AGL: variants seen among roughly 807,000 people sequenced by gnomAD.
AGL encodes glycogen debranching enzyme.
A neutral mutation model predicts 199.3 loss-of-function variants in AGL; 128 were observed. The observed-to-expected ratio is 0.64, with a 90% CI of 0.56 to 0.74. The LOEUF (loss-of-function observed/expected upper bound fraction) is 0.74. Ranked by LOEUF, AGL falls within the 30% of genes least tolerant of loss-of-function variation. AGL has a pLI of 0.00. For missense variants in AGL, 1,809 were observed against 1,820.8 expected (o/e 0.99, Z 0.12); for synonymous variants, 584 against 594.7 (o/e 0.98, Z 0.26).
chr1:99,849,846 T>C (rs557038541), upstream of AGL, among the ~76,000 whole-genome samples: 30 of 152,340 alleles, frequency 2.0e-4, no homozygotes, highest in Admixed American at 7.2e-4. Flanking sequence ...AAGATCCTAC[T>C]GTGCAGCTCA....
intron 24 of AGL, among the ~76,000 whole-genome samples, chr1:99,895,437 A>G (rs995066072): frequency 2.6e-5 from 4 of 152,192 alleles, no homozygotes; most frequent in Admixed American, 6.5e-5. Context: ...AATTGTACAT[A>G]TTGTGTACAG....
intron 2 of AGL, among the ~76,000 whole-genome samples, chr1:99,859,214 A>C (rs1649820526): frequency 6.6e-6 from 1 of 152,192 alleles, no homozygotes. Context: ...TATGCTTCTC[A>C]GTCACTAAGT....
intron 26 of AGL, among the ~76,000 whole-genome samples, chr1:99,902,292 A>G (rs1653903085): frequency 6.6e-6 from 1 of 152,182 alleles, no homozygotes; most frequent in Non-Finnish European, 1.5e-5. Context: ...CCTTTAGCTC[A>G]TAATTTACCC....
chr1:99,888,223 C>T, intron 21 of AGL, 115 bp downstream of exon 21: 1 of 1,333,478 alleles, frequency 7.5e-7, no homozygotes. Context: ...GCAATTATGG[C>T]TCTGCTTCTG....
In AGL at chr1:99,921,559, C is replaced by G. The variant is rs1260961188; in HGVS notation, c.4507C>G (p.Leu1503Val). 3 of 1,612,882 alleles carry G rather than the reference C, an allele frequency of 1.9e-6. No individual in the cohort carries two copies. The highest frequency in any genetic ancestry group is 2.2e-5 in the South Asian group (2 of 91,058). The stretch of plus-strand genomic sequence containing the variant: ...ATCCCCTTGGAAAGGACTTCCAGAA[C>G]TGACCAATGAGAATGCCCAGTACTG... ...ERSPWKGLPE[L>V]TNENAQYCPF... Residue 1503 changes from leucine (L) to valine (V), a missense_variant, in exon 34 of 34, where the codon CTG becomes GTG. Transcript: ENST00000361915.
At position 99,870,820 on chromosome 1, in the gene AGL, A is replaced by G. The variant is rs2101113480; in HGVS notation, c.909A>G (p.Gln303=). The change falls in exon 7 of 34, where the codon CAA becomes CAG. Residue 303 remains glutamine, a synonymous_variant. Coordinates refer to ENST00000361915, the MANE Select transcript of AGL (RefSeq NM_000642.3). Reference sequence around the variant, plus strand: ...AGCTTAAACTCTGGGAATTTTTCCAAGTAGATGTCAACAAAGCGGTTGAGC... The same window carrying G: ...AGCTTAAACTCTGGGAATTTTTCCAGGTAGATGTCAACAAAGCGGTTGAGC... ...FPKLKLWEFF[Q]VDVNKAVEQF... 1 of 1,611,920 alleles carries G rather than the reference A, an allele frequency of 6.2e-7. No individual in the cohort carries two copies. The highest frequency in any genetic ancestry group is 8.5e-7 in the Non-Finnish European group (1 of 1,178,212).
rs2100760752 is a variant in AGL at position 99,881,699 on chromosome 1, A to C, written c.2308+8A>C. On this transcript the variant is annotated splice_region_variant and intron_variant, in intron 17 of 33. Transcript: ENST00000361915. Reference sequence around the variant, plus strand: ...CTCAAATGTGCATCCCTGGTAATGCAATCTAAAAATTGTTACTGTATTTGT... The same window carrying C: ...CTCAAATGTGCATCCCTGGTAATGCCATCTAAAAATTGTTACTGTATTTGT... 2.5e-6 allele frequency: 4 copies of C among 1,612,270 alleles called. No homozygotes were observed. Among genetic ancestry groups the C allele is most frequent in the Non-Finnish European group, 3.4e-6 (4 of 1,178,508 alleles).
At chr1:99,874,844 T>C (rs1393666998) in intron 8 of AGL, 34 bp downstream of exon 8, 1 of 1,604,902 alleles carries the variant, frequency 6.2e-7, no homozygotes, top group Admixed American at 1.7e-5. Context: ...GAAATAATAA[T>C]ATTACTTACA....
chr1:99,891,381 C>CA (rs1286366895), intron 22 of AGL, 25 bp downstream of exon 22: 3 of 1,612,094 alleles, frequency 1.9e-6, no homozygotes, highest in East Asian at 4.5e-5. Context: ...ATTATCGTCC[C>CA]AAAAAATCAA....
intron 7 of AGL, among the ~76,000 whole-genome samples, chr1:99,872,697 T>G (rs535578746): frequency 6.6e-6 from 1 of 151,898 alleles, no homozygotes; most frequent in Non-Finnish European, 1.5e-5. Flanking sequence ...CCCAGCTAAT[T>G]TTTGTATTTT....
intron 30 of AGL, 133 bp from the exon 31 acceptor site, chr1:99,915,256 G>A (rs1184260045): frequency 1.3e-6 from 1 of 753,960 alleles, no homozygotes; most frequent in South Asian, 1.5e-5. Context: ...ATCTGTTTAG[G>A]CATCTACACT....
chr1:99,849,926 C>T (rs1163680069), upstream of AGL, among the ~76,000 whole-genome samples: 1 of 152,242 alleles, frequency 6.6e-6, no homozygotes, highest in Non-Finnish European at 1.5e-5. Context: ...TAAAGGAAGG[C>T]CGCGCCTTGG....
intron 30 of AGL, among the ~76,000 whole-genome samples, chr1:99,914,327 G>A (rs1270128374): frequency 6.6e-6 from 1 of 152,216 alleles, no homozygotes; most frequent in African/African-American, 2.4e-5. Context: ...GTGAACTAAA[G>A]TGGATAGCTT....
chr1:99,921,402 ATTG>A (rs1655501306), intron 33 of AGL, 129 bp from the exon 34 acceptor site: 1 of 722,050 alleles, frequency 1.4e-6, no homozygotes, highest in Non-Finnish European at 2.5e-6. Context: ...TCTTTAGGAT[ATTG>A]TTTTATTTTG....
chr1:99,898,094 T>C (rs1299182781), intron 25 of AGL, among the ~76,000 whole-genome samples: 3 of 151,446 alleles, frequency 2.0e-5, no homozygotes, highest in Non-Finnish European at 4.4e-5. Context: ...TCACTCAGGC[T>C]GGAGTGCAGT....
chr1:99,878,323 G>A (rs549966006), intron 12 of AGL, among the ~76,000 whole-genome samples: 96 of 151,854 alleles, frequency 6.3e-4, no homozygotes, highest in African/African-American at 1.7e-3. Context: ...CCAGCCTGGC[G>A]ACAGAGTGAG....
chr1:99,865,921 C>A (rs1392988798), intron 5 of AGL, among the ~76,000 whole-genome samples: 1 of 152,154 alleles, frequency 6.6e-6, no homozygotes, highest in Admixed American at 6.5e-5. Flanking sequence ...GCCTCCAGTT[C>A]TACGGTGAAA....
chr1:99,881,505 T>C (rs910927785), intron 16 of AGL, 36 bp from the exon 17 acceptor site: 69 of 1,613,900 alleles, frequency 4.3e-5, no homozygotes, highest in Non-Finnish European at 5.7e-5. Flanking sequence ...TCTTTCCAGT[T>C]TGAGAGCTAA....
intron 5 of AGL, among the ~76,000 whole-genome samples, chr1:99,870,018 A>G (rs1371795813): frequency 1.3e-5 from 2 of 152,150 alleles, no homozygotes; most frequent in Non-Finnish European, 2.9e-5. Context: ...TCTGAACTAT[A>G]AGCTACATTC....
Sources: allele counts gnomAD v4.1 joint callset (sites outside exome capture counted in the v4.1 genomes callset), GRCh38; gene constraint gnomAD v4.1.1; transcripts MANE v1.5; gene names NCBI Gene and HGNC (gene_info 2026-07-23, HGNC 2026-07-21).